TAFA2: variants seen among roughly 807,000 people sequenced by gnomAD.
The protein encoded by TAFA2 is TAFA chemokine like family member 2.
Under a neutral mutation model 18.8 loss-of-function variants are expected in TAFA2, and 7 were observed. The ratio of observed to expected loss-of-function variants is 0.37; its 90% CI spans 0.21 to 0.70. The LOEUF (loss-of-function observed/expected upper bound fraction) is 0.70, where lower values mean the gene tolerates loss of function less well. TAFA2 is among the 30% of genes least tolerant of loss of function. TAFA2 has a pLI of 0.53. For synonymous variants in TAFA2, 60 were observed against 54.2 expected, an observed-to-expected ratio of 1.11 and a Z score of -0.47; for missense variants, 122 against 158.1, an observed-to-expected ratio of 0.77 and a Z score of 1.23.
chr12:61,891,329 A>G (rs1397514770), intron 1 of TAFA2, among the ~76,000 whole-genome samples: 1 of 152,156 alleles, frequency 6.6e-6, no homozygotes, highest in Admixed American at 6.5e-5. Context: ...GAAGCAGCAG[A>G]ATCAATAGAA....
intron 1 of TAFA2, among the ~76,000 whole-genome samples, chr12:62,004,920 C>T (rs1470568491): frequency 6.6e-6 from 1 of 151,856 alleles, no homozygotes; most frequent in Non-Finnish European, 1.5e-5. Context: ...ATTAAATAAG[C>T]CAGAAACACA....
In TAFA2 at chr12:61,983,555, G is replaced by A. The variant is rs144487160; in HGVS notation, c.-1-116129C>T. ...CCCAAGCAGCTGGGACTACAGGCAC[G>A]TGCCACCACGCCCAGATAGTTTTTG... On this transcript the variant is annotated intron_variant, in intron 1 of 4. Coordinates refer to ENST00000416284, the MANE Select transcript of TAFA2 (RefSeq NM_178539.5). Among the ~76,000 whole-genome samples, 7 of 152,102 alleles carry A rather than the reference G, an allele frequency of 4.6e-5. No homozygotes were observed. In the East Asian group the frequency reaches 5.8e-4, roughly 13 times the overall value.
At chr12:61,874,907 A>G (rs1190836928) in intron 1 of TAFA2, among the ~76,000 whole-genome samples, 1 of 151,556 alleles carries the variant, frequency 6.6e-6, no homozygotes, top group Non-Finnish European at 1.5e-5. Flanking sequence ...TTTTTTTTCG[A>G]ACAGGAATGC....
intron 2 of TAFA2, among the ~76,000 whole-genome samples, chr12:61,771,975 C>T (rs1304000490): frequency 1.3e-5 from 2 of 148,938 alleles, no homozygotes; most frequent in Non-Finnish European, 3.0e-5. Context: ...AATTGATAGA[C>T]CATTAACAAG....
chr12:61,995,411 T>TCACTA (rs929749615), intron 1 of TAFA2, among the ~76,000 whole-genome samples: 34 of 152,222 alleles, frequency 2.2e-4, no homozygotes, highest in African/African-American at 8.2e-4. Context: ...AATGTCTTCT[T>TCACTA]CACTACATTT....
intron 1 of TAFA2, among the ~76,000 whole-genome samples, chr12:61,907,602 C>T (rs1200758864): frequency 6.6e-6 from 1 of 152,194 alleles, no homozygotes; most frequent in Non-Finnish European, 1.5e-5. Flanking sequence ...TGTTGGAACC[C>T]TCACACGGAG....
intron 2 of TAFA2, among the ~76,000 whole-genome samples, chr12:61,768,436 A>T (rs1435964974): frequency 6.6e-6 from 1 of 152,136 alleles, no homozygotes; most frequent in Non-Finnish European, 1.5e-5. Context: ...GAAAGCTGAG[A>T]GAATTCACAG....
intron 1 of TAFA2, among the ~76,000 whole-genome samples, chr12:62,001,370 TTAC>T (rs1172684233): frequency 6.6e-6 from 1 of 152,226 alleles, no homozygotes; most frequent in East Asian, 1.9e-4. Flanking sequence ...TCTATTATTA[TTAC>T]ATTGTAATTA....
intron 1 of TAFA2, among the ~76,000 whole-genome samples, chr12:61,869,758 C>T (rs1874515822): frequency 6.6e-6 from 1 of 152,096 alleles, no homozygotes; most frequent in African/African-American, 2.4e-5. Flanking sequence ...GTTCTATTGC[C>T]TTTGTTTCCT....
intron 4 of TAFA2, among the ~76,000 whole-genome samples, chr12:61,715,502 C>T (rs12307906): frequency 0.024 from 3,675 of 152,006 alleles, 148 homozygotes; most frequent in African/African-American, 0.084. Flanking sequence ...GCACCCACCA[C>T]CACGCCCAGC....
intron 4 of TAFA2, among the ~76,000 whole-genome samples, chr12:61,736,561 T>C (rs1264257484): frequency 6.6e-6 from 1 of 152,032 alleles, no homozygotes; most frequent in Non-Finnish European, 1.5e-5. Flanking sequence ...CTTGCTTTCA[T>C]CTAATACTTA....
intron 4 of TAFA2, among the ~76,000 whole-genome samples, chr12:61,732,742 T>C (rs993673559): frequency 2.0e-5 from 3 of 151,660 alleles, no homozygotes; most frequent in African/African-American, 4.8e-5. Context: ...TTTGTGTGTG[T>C]GTGTGTGTGT....
At chr12:61,780,509 T>G (rs185650189) in intron 2 of TAFA2, among the ~76,000 whole-genome samples, 1 of 151,922 alleles carries the variant, frequency 6.6e-6, no homozygotes, top group East Asian at 1.9e-4. Context: ...CCCTTTGTAT[T>G]AATATAAATC....
chr12:62,167,116 T>TGGA (rs2062446054), intron 1 of TAFA2, among the ~76,000 whole-genome samples: 1 of 152,124 alleles, frequency 6.6e-6, no homozygotes, highest in African/African-American at 2.4e-5. Flanking sequence ...TTATCAGTTA[T>TGGA]CTAAGGTATT....
At chr12:62,021,639 G>A (rs1197654352) in intron 1 of TAFA2, 11 of 1,172,398 alleles carry the variant, frequency 9.4e-6, no homozygotes, top group Admixed American at 1.7e-5. Context: ...AGATGGGGTG[G>A]TGTGCAGTAT....
At chr12:61,775,403 A>G (rs1870213584) in intron 2 of TAFA2, among the ~76,000 whole-genome samples, 1 of 151,914 alleles carries the variant, frequency 6.6e-6, no homozygotes. Context: ...CAAAGAAGAT[A>G]TCCTTCAACA....
At chr12:61,796,561 G>A (rs1032523521) in intron 2 of TAFA2, among the ~76,000 whole-genome samples, 17 of 152,080 alleles carry the variant, frequency 1.1e-4, no homozygotes, top group Admixed American at 5.2e-4. Flanking sequence ...GAGTAGGGAG[G>A]AGGAATTTTT....
intron 1 of TAFA2, chr12:62,235,031 A>G (rs576438708): frequency 8.4e-5 from 53 of 632,992 alleles, no homozygotes; most frequent in Admixed American, 7.5e-4. Context: ...GGTCCCCAAT[A>G]TGAGACATCA....
intron 1 of TAFA2, among the ~76,000 whole-genome samples, chr12:62,256,168 C>T (rs2062937856): frequency 6.6e-6 from 1 of 151,856 alleles, no homozygotes; most frequent in Admixed American, 6.6e-5. Context: ...ACTCAAGAAG[C>T]TGAGGCAGGA....
Sources: allele counts gnomAD v4.1 joint callset (sites outside exome capture counted in the v4.1 genomes callset), GRCh38; gene constraint gnomAD v4.1.1; transcripts MANE v1.5; gene names NCBI Gene and HGNC (gene_info 2026-07-23, HGNC 2026-07-21).